The following THSD7B variants were observed in gnomAD, a reference collection of about 807,000 sequenced individuals.
The protein encoded by THSD7B is thrombospondin type-1 domain-containing protein 7B.
Under a neutral mutation model 213.6 loss-of-function variants are expected in THSD7B, and 138 were observed. The observed-to-expected ratio is 0.65, with a 90% CI of 0.56 to 0.74. THSD7B has a LOEUF of 0.74. Ranked by LOEUF, THSD7B falls within the 30% of genes least tolerant of loss-of-function variation. The probability of loss-of-function intolerance (pLI) is 0.00; values close to 1 mark genes in which losing one functional copy is unlikely to be tolerated. For missense variants in THSD7B, 1,931 were observed against 1,991.5 expected (o/e 0.97, Z 0.58); for synonymous variants, 742 against 687.0 (o/e 1.08, Z -1.25).
At chr2:137,393,849 C>T (rs1686106033) in intron 12 of THSD7B, among the ~76,000 whole-genome samples, 1 of 141,276 alleles carries the variant, frequency 7.1e-6, no homozygotes. Flanking sequence ...TAATGTTTGC[C>T]ATTCTAACTG....
At chr2:136,967,108 C>G (rs1685329046) in intron 2 of THSD7B, among the ~76,000 whole-genome samples, 1 of 152,098 alleles carries the variant, frequency 6.6e-6, no homozygotes, top group Non-Finnish European at 1.5e-5. Flanking sequence ...AGCATGGTAT[C>G]CTGCAGGTGG....
At chr2:137,041,978 G>C (rs1184724481) in intron 2 of THSD7B, among the ~76,000 whole-genome samples, 1 of 152,204 alleles carries the variant, frequency 6.6e-6, no homozygotes, top group Non-Finnish European at 1.5e-5. Flanking sequence ...CACATGTTCA[G>C]TGATTGTTCT....
chr2:137,204,615 T>C (rs1406158231), intron 7 of THSD7B, among the ~76,000 whole-genome samples: 2 of 152,116 alleles, frequency 1.3e-5, no homozygotes, highest in African/African-American at 4.8e-5. Flanking sequence ...AATGAGACAT[T>C]TTCATTTACA....
Position 137,668,714 on chromosome 2 carries a change from A to G in THSD7B, c.4739+853A>G, listed in dbSNP as rs1408595289. Among the ~76,000 whole-genome samples, 5 of 152,198 alleles carry G rather than the reference A, an allele frequency of 3.3e-5. No individual in the cohort carries two copies. The South Asian group carries it at 1.0e-3, about 31-fold the overall frequency. On this transcript the variant is annotated intron_variant, in intron 27 of 27. Transcript: ENST00000409968. ...TGATCAGAAGCCTTACCAATAACAT[A>G]GTCAAATAACGCATATTTTGTATAT...
At chr2:137,485,480 A>G (rs553184106) in intron 15 of THSD7B, among the ~76,000 whole-genome samples, 132 of 152,118 alleles carry the variant, frequency 8.7e-4, no homozygotes, top group Non-Finnish European at 1.4e-3. Context: ...TGTTCTTTTG[A>G]CTTAGGATTG....
chr2:136,882,094 A>T (rs566890507), intron 1 of THSD7B, 50 bp from the exon 2 acceptor site: 58 of 1,348,164 alleles, frequency 4.3e-5, no homozygotes, highest in Non-Finnish European at 5.6e-5. Context: ...ATGAGTTGTT[A>T]TCTTTTCTTT....
At chr2:137,621,744 C>T (rs566425806) in intron 20 of THSD7B, among the ~76,000 whole-genome samples, 9 of 152,250 alleles carry the variant, frequency 5.9e-5, no homozygotes, top group Admixed American at 3.3e-4. Flanking sequence ...ACTGTTAGTA[C>T]ATCTTAGTGC....
At chr2:137,637,693 T>C (rs1682859161) in intron 20 of THSD7B, among the ~76,000 whole-genome samples, 1 of 152,246 alleles carries the variant, frequency 6.6e-6, no homozygotes, top group South Asian at 2.1e-4. Flanking sequence ...AGATTTTCTC[T>C]ACCTTTATGT....
intron 17 of THSD7B, among the ~76,000 whole-genome samples, chr2:137,588,289 G>C (rs573622798): frequency 6.6e-6 from 1 of 152,142 alleles, no homozygotes; most frequent in Non-Finnish European, 1.5e-5. Context: ...TCCCAGGTGA[G>C]GTGATGCCTT....
At chr2:137,166,611 A>G (rs560129168) in intron 6 of THSD7B, among the ~76,000 whole-genome samples, 1 of 152,308 alleles carries the variant, frequency 6.6e-6, no homozygotes, top group South Asian at 2.1e-4. Flanking sequence ...GATACTTTGA[A>G]ACTGAGAAGC....
At chr2:137,332,214 C>T (rs1558760885) in intron 12 of THSD7B, among the ~76,000 whole-genome samples, 1 of 152,080 alleles carries the variant, frequency 6.6e-6, no homozygotes, top group Admixed American at 6.5e-5. Flanking sequence ...AGCCACGGGA[C>T]AGAGCAGCTG....
chr2:137,175,662 G>A (rs1558947545), intron 7 of THSD7B, among the ~76,000 whole-genome samples: 1 of 152,078 alleles, frequency 6.6e-6, no homozygotes, highest in Non-Finnish European at 1.5e-5. Context: ...TTTAATCTTG[G>A]CTAAAATGGC....
chr2:136,879,141 C>G (rs895710093), intron 1 of THSD7B, among the ~76,000 whole-genome samples: 2 of 152,256 alleles, frequency 1.3e-5, no homozygotes, highest in Admixed American at 1.3e-4. Context: ...ATATGGCTAG[C>G]CAGTTTTCCC....
At chr2:137,256,217 G>A (rs556256544) in intron 10 of THSD7B, among the ~76,000 whole-genome samples, 1 of 152,200 alleles carries the variant, frequency 6.6e-6, no homozygotes, top group African/African-American at 2.4e-5. Context: ...CCTTTTTCTA[G>A]GGCTTACTGT....
intron 3 of THSD7B, among the ~76,000 whole-genome samples, chr2:137,069,489 G>A (rs1417550103): frequency 3.9e-5 from 6 of 152,002 alleles, no homozygotes; most frequent in East Asian, 1.9e-4. Flanking sequence ...AGAGAGGAAC[G>A]TTTGGTTTGG....
intron 2 of THSD7B, among the ~76,000 whole-genome samples, chr2:137,002,788 C>G (rs1686026143): frequency 6.6e-6 from 1 of 152,130 alleles, no homozygotes; most frequent in Non-Finnish European, 1.5e-5. Context: ...TCTTTCCATA[C>G]TTCTCATTAC....
chr2:137,546,741 T>G (rs919785557), intron 15 of THSD7B, among the ~76,000 whole-genome samples: 9 of 151,236 alleles, frequency 6.0e-5, no homozygotes, highest in African/African-American at 2.2e-4. Context: ...TTTGTGGAAA[T>G]ATGCCCACTT....
chr2:137,011,473 A>T (rs1686229927), intron 2 of THSD7B, among the ~76,000 whole-genome samples: 1 of 152,164 alleles, frequency 6.6e-6, no homozygotes, highest in Non-Finnish European at 1.5e-5. Flanking sequence ...GTTTAGTGGC[A>T]TCTCTGACCT....
chr2:136,918,350 G>C (rs200869168), intron 2 of THSD7B, among the ~76,000 whole-genome samples: 1 of 100,818 alleles, frequency 9.9e-6, no homozygotes, highest in East Asian at 3.1e-4. Flanking sequence ...CTCCACTCCT[G>C]GTTTCAGTGA....
Sources: allele counts gnomAD v4.1 joint callset (sites outside exome capture counted in the v4.1 genomes callset), GRCh38; gene constraint gnomAD v4.1.1; transcripts MANE v1.5; gene names NCBI Gene and HGNC (gene_info 2026-07-23, HGNC 2026-07-21).